DIP2C: variants seen among roughly 807,000 people sequenced by gnomAD.
DIP2C encodes the protein DIP2 acetate--CoA ligase C (putative), also known as disco-interacting protein 2 homolog C.
A neutral mutation model predicts 192.4 loss-of-function variants in DIP2C; 33 were observed. That is an observed-to-expected ratio of 0.17 (90% CI 0.13 to 0.23). The LOEUF is 0.23. Among genes scored for constraint, DIP2C ranks in the 10% least tolerant of loss-of-function variants. The pLI, the probability that DIP2C is intolerant of heterozygous loss-of-function variation, is 1.00. For missense variants in DIP2C, 1,537 were observed against 2,110.1 expected, an observed-to-expected ratio of 0.73 and a Z score of 5.32; for synonymous variants, 979 against 864.1, an observed-to-expected ratio of 1.13 and a Z score of -2.33.
At chr10:611,550 A>G (rs1853100469) in intron 1 of DIP2C, among the ~76,000 whole-genome samples, 1 of 152,196 alleles carries the variant, frequency 6.6e-6, no homozygotes, top group Non-Finnish European at 1.5e-5. Flanking sequence ...CACCTTTCTC[A>G]GAGAAACCCC....
rs146560333 is a variant in DIP2C at position 291,781 on chromosome 10, A to G, written c.3987-3360T>C. 2.1e-3 allele frequency among the ~76,000 whole-genome samples: 315 copies of G among 152,358 alleles called. 2 individuals are homozygous for G. Among genetic ancestry groups the G allele is most frequent in the African/African-American group, 7.3e-3 (303 of 41,588 alleles). ...CTGAAGTGCTTGTGGTGCGTGAGTT[A>G]TAAGTAGCTGGGGTTATTAACACTT... On this transcript the variant is annotated intron_variant, in intron 32 of 36. Coordinates refer to ENST00000280886, the MANE Select transcript of DIP2C (RefSeq NM_014974.3).
At chr10:602,404 T>C (rs955695739) in intron 1 of DIP2C, among the ~76,000 whole-genome samples, 1 of 152,194 alleles carries the variant, frequency 6.6e-6, no homozygotes, top group East Asian at 1.9e-4. Flanking sequence ...GGCCTGAATG[T>C]CTGTCCCCAA....
chr10:596,781 G>A (rs1054432812), intron 1 of DIP2C, among the ~76,000 whole-genome samples: 2 of 152,194 alleles, frequency 1.3e-5, no homozygotes, highest in African/African-American at 2.4e-5. Flanking sequence ...GCCATTGGTG[G>A]CATCACCTGT....
chr10:668,408 A>C (rs569550856), intron 1 of DIP2C: 1 of 152,374 alleles, frequency 6.6e-6, no homozygotes, highest in Admixed American at 6.5e-5. Flanking sequence ...CAGCACACTC[A>C]TACAACATAC....
chr10:665,440 G>A (rs1048403867), intron 1 of DIP2C: 1 of 152,026 alleles, frequency 6.6e-6, no homozygotes, highest in Non-Finnish European at 1.5e-5. Context: ...GTCCAGTAAC[G>A]CGATCATCTA....
intron 1 of DIP2C, among the ~76,000 whole-genome samples, chr10:571,271 C>A (rs1447328256): frequency 6.6e-6 from 1 of 152,234 alleles, no homozygotes; most frequent in Admixed American, 6.5e-5. Flanking sequence ...ATAACGTCGA[C>A]CACATCTCAG....
intron 1 of DIP2C, chr10:667,947 CCA>C (rs935886057): frequency 4.0e-5 from 6 of 149,438 alleles, no homozygotes; most frequent in Admixed American, 2.7e-4. Context: ...CATACACGTA[CCA>C]CACACAACAC....
chr10:688,840 G>A (rs904230839), intron 1 of DIP2C, among the ~76,000 whole-genome samples: 5 of 152,226 alleles, frequency 3.3e-5, no homozygotes, highest in African/African-American at 1.2e-4. Flanking sequence ...GGCCCGGGGG[G>A]AGGTTGACGA....
intron 1 of DIP2C, chr10:663,744 A>C (rs1032373647): frequency 6.6e-6 from 1 of 152,230 alleles, no homozygotes; most frequent in Non-Finnish European, 1.5e-5. Context: ...CAGAAATTTA[A>C]AACTCCTAAT....
At chr10:331,993 C>A (rs537774040) in intron 29 of DIP2C, among the ~76,000 whole-genome samples, 78 of 152,272 alleles carry the variant, frequency 5.1e-4, no homozygotes, top group African/African-American at 1.8e-3. Context: ...GTGATCACAG[C>A]TCACTGTAGC....
At chr10:345,241 C>A (rs1958380963) in intron 26 of DIP2C, 131 bp from the exon 27 acceptor site, 1 of 920,454 alleles carries the variant, frequency 1.1e-6, no homozygotes. Context: ...GGTTACCGAG[C>A]CCTCCTGCTG....
chr10:366,122 A>G (rs540314749), intron 19 of DIP2C, among the ~76,000 whole-genome samples, 153 bp downstream of exon 19: 18 of 152,386 alleles, frequency 1.2e-4, no homozygotes, highest in Non-Finnish European at 2.5e-4. Context: ...ATCAAAAGCG[A>G]TAAAAAGTGG....
At chr10:427,084 C>T (rs1172918737) in intron 4 of DIP2C, among the ~76,000 whole-genome samples, 1 of 152,202 alleles carries the variant, frequency 6.6e-6, no homozygotes, top group Non-Finnish European at 1.5e-5. Context: ...TGGCTTATAA[C>T]AACACACGTA....
At chr10:485,229 C>A (rs1207057167) in intron 2 of DIP2C, among the ~76,000 whole-genome samples, 1 of 152,234 alleles carries the variant, frequency 6.6e-6, no homozygotes, top group African/African-American at 2.4e-5. Context: ...TACAGTCAGA[C>A]CCCACCTTCT....
chr10:644,469 T>A (rs1290002775), intron 1 of DIP2C, among the ~76,000 whole-genome samples: 2 of 152,278 alleles, frequency 1.3e-5, no homozygotes, highest in Non-Finnish European at 2.9e-5. Context: ...TGCCCACAGC[T>A]GCAGGCGCGT....
chr10:295,260 C>A (rs1955693394), intron 32 of DIP2C, among the ~76,000 whole-genome samples: 1 of 152,034 alleles, frequency 6.6e-6, no homozygotes, highest in South Asian at 2.1e-4. Context: ...TCATCTCATT[C>A]CAGTTAGATG....
intron 3 of DIP2C, among the ~76,000 whole-genome samples, chr10:441,769 T>C (rs533888340): frequency 4.6e-5 from 7 of 152,304 alleles, no homozygotes; most frequent in African/African-American, 1.4e-4. Flanking sequence ...AATGTGAAAA[T>C]GGACTAATAC....
At chr10:526,225 G>T (rs529308401) in intron 1 of DIP2C, among the ~76,000 whole-genome samples, 1 of 152,204 alleles carries the variant, frequency 6.6e-6, no homozygotes, top group African/African-American at 2.4e-5. Flanking sequence ...CCACAGCCGC[G>T]TGGTTTCCAC....
chr10:479,641 GTCC>G (rs924434759), intron 2 of DIP2C, among the ~76,000 whole-genome samples: 9 of 152,146 alleles, frequency 5.9e-5, no homozygotes, highest in African/African-American at 2.2e-4. Flanking sequence ...TCCCCACACT[GTCC>G]TCCTTTCTAT....
Sources: gnomAD v4.1 joint callset for allele counts (sites outside exome capture counted in the v4.1 genomes callset) on GRCh38, gnomAD v4.1.1 for gene constraint, MANE v1.5 for transcripts, NCBI Gene and HGNC (gene_info 2026-07-23, HGNC 2026-07-21) for gene names.